CHIC1: variants seen among roughly 807,000 people sequenced by gnomAD.
CHIC1 encodes the protein cysteine rich hydrophobic domain 1, also known as cysteine-rich hydrophobic domain-containing protein 1.
In CHIC1, 7 loss-of-function variants were observed where a neutral mutation model predicts 18.5. The ratio of observed to expected loss-of-function variants is 0.38; its 90% CI spans 0.22 to 0.71. The LOEUF is 0.71. CHIC1 is among the 30% of genes least tolerant of loss of function. The pLI is 0.49. For synonymous variants in CHIC1, 77 were observed against 73.5 expected, an observed-to-expected ratio of 1.05 and a Z score of -0.25; for missense variants, 159 against 176.9, an observed-to-expected ratio of 0.90 and a Z score of 0.57.
At chrX:73,598,603 T>C (rs2147562989) in intron 3 of CHIC1, among the ~76,000 whole-genome samples, 1 of 107,277 alleles carries the variant, frequency 9.3e-6, no homozygotes, top group East Asian at 3.0e-4. Context: ...GTTCTTGCGA[T>C]AGTTTACTGA....
chrX:73,680,902 GTTATA>G (rs1280461163), intron 5 of CHIC1, 48 bp from the exon 6 acceptor site: 3 of 652,569 alleles, frequency 4.6e-6, no homozygotes, highest in Non-Finnish European at 7.1e-6. Context: ...TTATTTATAA[GTTATA>G]TTAAATGAAA....
chrX:73,583,868 T>C (rs1167209041), intron 2 of CHIC1, among the ~76,000 whole-genome samples: 1 of 111,776 alleles, frequency 8.9e-6, no homozygotes, highest in Non-Finnish European at 1.9e-5. Flanking sequence ...ATGCAATCAC[T>C]AGGCATTGTC....
chrX:73,646,372 G>A (rs1278799240), intron 3 of CHIC1, among the ~76,000 whole-genome samples: 1 of 111,755 alleles, frequency 8.9e-6, no homozygotes, highest in Middle Eastern at 4.6e-3. Flanking sequence ...AGACTGTTTT[G>A]GCTATTTGCA....
intron 1 of CHIC1, among the ~76,000 whole-genome samples, chrX:73,576,131 G>T (rs768347948): frequency 4.6e-5 from 5 of 109,517 alleles, no homozygotes; most frequent in African/African-American, 1.6e-4. Context: ...GTCATCTCCT[G>T]TGATAACAGT....
At position 73,685,907 on chromosome X, in the gene CHIC1, A is replaced by G. The variant is rs1224048320; in HGVS notation, c.*4902A>G. ...TTAGGGAGGAAAAGCAGGTGGATGT[A>G]AATCAGTGATTCCCAACTTCAGCAG... On this transcript the variant is annotated 3_prime_UTR_variant, in exon 6 of 6. Coordinates refer to ENST00000373502, the MANE Select transcript of CHIC1 (RefSeq NM_001039840.4). 9.0e-6 allele frequency: 1 copy of G among 111,310 alleles called. No individual in the cohort carries two copies. Among genetic ancestry groups the G allele is most frequent in the Non-Finnish European group, 1.9e-5 (1 of 52,888 alleles). The allele number at this position is 111,310 out of a possible 1,213,427, so 9.2% of individuals were successfully genotyped here. A position where few individuals can be genotyped will look rare whatever the true frequency, so the allele number is the denominator to read the frequency against.
At chrX:73,597,669 G>A (rs898524596) in intron 3 of CHIC1, among the ~76,000 whole-genome samples, 29 of 107,825 alleles carry the variant, frequency 2.7e-4, no homozygotes, top group African/African-American at 9.8e-4. Flanking sequence ...TGTGCAGAAC[G>A]TGCAGGTTTG....
chrX:73,594,091 T>A (rs1262037923), intron 3 of CHIC1, among the ~76,000 whole-genome samples: 14 of 111,284 alleles, frequency 1.3e-4, no homozygotes, highest in African/African-American at 3.9e-4. Flanking sequence ...TATAGGGGTT[T>A]TTTTTCCCTC....
chrX:73,618,731 G>A (rs1193048943), intron 3 of CHIC1, among the ~76,000 whole-genome samples: 3 of 112,324 alleles, frequency 2.7e-5, no homozygotes, highest in Non-Finnish European at 5.6e-5. Context: ...AGGGCTTTCA[G>A]GTTTTATTCC....
chrX:73,605,267 T>A (rs2057675304), intron 3 of CHIC1, among the ~76,000 whole-genome samples: 1 of 108,542 alleles, frequency 9.2e-6, no homozygotes, highest in African/African-American at 3.6e-5. Context: ...CTTCTTTGTC[T>A]TTTTTGATCT....
intron 4 of CHIC1, 63 bp from the exon 5 acceptor site, chrX:73,679,591 A>G (rs990556023): frequency 1.6e-4 from 123 of 746,004 alleles, no homozygotes; most frequent in Non-Finnish European, 2.3e-4. Flanking sequence ...ATTTATTCAA[A>G]TGTATAGGTT....
At chrX:73,654,334 C>G (rs778925472) in intron 3 of CHIC1, among the ~76,000 whole-genome samples, 1 of 112,177 alleles carries the variant, frequency 8.9e-6, no homozygotes, top group Non-Finnish European at 1.9e-5. Flanking sequence ...TGGTTTATCA[C>G]ATTTACTGAT....
Position 73,648,490 on chromosome X carries a change from T to C in CHIC1, c.508-30836T>C, listed in dbSNP as rs1171368949. On this transcript the variant is annotated intron_variant, in intron 3 of 5. Coordinates refer to ENST00000373502, the MANE Select transcript of CHIC1 (RefSeq NM_001039840.4). The stretch of plus-strand genomic sequence containing the variant: ...GTAGATAAAGGGTTAGAGGAGATGC[T>C]AACTAGAATAACCATTTTAGAGAGG... 2.7e-5 allele frequency among the ~76,000 whole-genome samples: 3 copies of C among 111,669 alleles called. No homozygotes were observed. In the Admixed American group the frequency reaches 2.9e-4, roughly 11 times the overall value.
In CHIC1 at chrX:73,682,523, A is replaced by C. The variant is rs763226211; in HGVS notation, c.*1518A>C. ...ATTCATCTCAGTGAAGTGAACAATC[A>C]TTTCTTCATAGAAGGTCAAGCCTTT... is the stretch of plus-strand genomic sequence containing the variant. On this transcript the variant is annotated 3_prime_UTR_variant, in exon 6 of 6. Transcript: ENST00000373502. 1 of 111,957 alleles carries C rather than the reference A, an allele frequency of 8.9e-6. No homozygotes were observed. The allele number at this position is 111,957 out of a possible 1,213,427, so 9.2% of individuals were successfully genotyped here.
At chrX:73,667,886 C>A (rs1445267847) in intron 3 of CHIC1, among the ~76,000 whole-genome samples, 2 of 111,342 alleles carry the variant, frequency 1.8e-5, no homozygotes, top group Admixed American at 1.9e-4. Flanking sequence ...CTCTGCATTT[C>A]TTGAATTTGA....
intron 3 of CHIC1, among the ~76,000 whole-genome samples, chrX:73,641,106 G>A (rs2057853662): frequency 8.9e-6 from 1 of 111,844 alleles, no homozygotes; most frequent in South Asian, 3.7e-4. Flanking sequence ...TCACCTAGAA[G>A]TCATTCAGGA....
At chrX:73,648,715 A>G (rs2057901298) in intron 3 of CHIC1, among the ~76,000 whole-genome samples, 2 of 112,145 alleles carry the variant, frequency 1.8e-5, no homozygotes, top group Admixed American at 9.5e-5. Flanking sequence ...ATATGGGACT[A>G]TATAAAGACT....
At chrX:73,616,191 G>A (rs1238441283) in intron 3 of CHIC1, among the ~76,000 whole-genome samples, 1 of 111,179 alleles carries the variant, frequency 9.0e-6, no homozygotes, top group Non-Finnish European at 1.9e-5. Context: ...ACCCTCTATG[G>A]AGCAGTGCCT....
chrX:73,634,284 G>T (rs1019135859), intron 3 of CHIC1, among the ~76,000 whole-genome samples: 1 of 112,259 alleles, frequency 8.9e-6, no homozygotes, highest in African/African-American at 3.2e-5. Flanking sequence ...TGTCCTAGGG[G>T]ACAAGTGTTA....
intron 3 of CHIC1, among the ~76,000 whole-genome samples, chrX:73,675,417 G>C (rs755884303): frequency 1.8e-5 from 2 of 111,993 alleles, no homozygotes; most frequent in East Asian, 5.6e-4. Flanking sequence ...GGGTGCTCCT[G>C]TATTGGATGC....
Sources: gnomAD v4.1 joint callset for allele counts (sites outside exome capture counted in the v4.1 genomes callset) on GRCh38, gnomAD v4.1.1 for gene constraint, MANE v1.5 for transcripts, NCBI Gene and HGNC (gene_info 2026-07-23, HGNC 2026-07-21) for gene names.